DPP6: variants seen among roughly 807,000 people sequenced by gnomAD.
DPP6 encodes the protein dipeptidyl peptidase like 6.
Under a neutral mutation model 122.6 loss-of-function variants are expected in DPP6, and 69 were observed. The ratio of observed to expected loss-of-function variants is 0.56; its 90% CI spans 0.46 to 0.69. The LOEUF (loss-of-function observed/expected upper bound fraction) is 0.69, where lower values mean the gene tolerates loss of function less well. Ranked by LOEUF, DPP6 falls within the 30% of genes least tolerant of loss-of-function variation. The pLI is 0.00. For synonymous variants in DPP6, 418 were observed against 433.1 expected (o/e 0.97, Z 0.43); for missense variants, 928 against 1,116.9 (o/e 0.83, Z 2.41).
intron 1 of DPP6, among the ~76,000 whole-genome samples, chr7:153,978,929 C>T (rs567740216): frequency 5.9e-5 from 9 of 152,184 alleles, no homozygotes; most frequent in East Asian, 5.8e-4. Flanking sequence ...GTAACAGTAC[C>T]GTGCTGTTTT....
intron 1 of DPP6, among the ~76,000 whole-genome samples, chr7:154,445,470 T>C (rs1341406386): frequency 6.6e-6 from 1 of 152,206 alleles, no homozygotes; most frequent in African/African-American, 2.4e-5. Context: ...GTACGCGTGA[T>C]GAATTTCCTA....
chr7:154,718,634 CTTTTT>C lies in DPP6; in HGVS notation c.763-9115_763-9111del, dbSNP rs542191130. The stretch of plus-strand genomic sequence containing the variant: ...TGCCTGGGTTTTAGACTTCCTCCTC[CTTTTT>C]TTTTTTTTTTTTTTTTTGAGACTGA... On this transcript the variant is annotated intron_variant, in intron 7 of 25. Transcript: ENST00000377770. Among the ~76,000 whole-genome samples the C allele has an allele frequency of 6.4e-3, 712 of 111,478 alleles. 2 individuals are homozygous for C. The highest frequency in any genetic ancestry group is 0.024 in the African/African-American group (626 of 25,872). The allele number at this position is 111,478 out of a possible 152,430, so 73.1% of individuals were successfully genotyped here.
chr7:153,903,167 C>T (rs1026788813), intron 1 of DPP6, among the ~76,000 whole-genome samples: 3 of 152,096 alleles, frequency 2.0e-5, no homozygotes, highest in African/African-American at 7.2e-5. Flanking sequence ...AATTTAAGAG[C>T]AAGAAAAAAA....
chr7:154,714,698 G>C (rs1184618534), intron 7 of DPP6, among the ~76,000 whole-genome samples: 1 of 152,186 alleles, frequency 6.6e-6, no homozygotes, highest in East Asian at 1.9e-4. Context: ...TTCAAGATGA[G>C]ATTTGGGTGG....
chr7:154,656,701 G>A lies in DPP6; in HGVS notation c.681-12659G>A, dbSNP rs373998757. Among the ~76,000 whole-genome samples the A allele has an allele frequency of 6.5e-4, 98 of 150,186 alleles. 1 individual carries two copies. In the South Asian group the frequency reaches 0.02, roughly 31 times the overall value. On this transcript the variant is annotated intron_variant, in intron 6 of 25. Coordinates refer to ENST00000377770, the MANE Select transcript of DPP6 (RefSeq NM_130797.4). ...GGGCTGATGATGGGTTAGAGGCTGC[G>A]TGGGGAGGAGGTGCTCATGGGTGGG...
intron 3 of DPP6, among the ~76,000 whole-genome samples, chr7:154,523,627 C>A (rs1827173463): frequency 6.6e-6 from 1 of 152,120 alleles, no homozygotes; most frequent in African/African-American, 2.4e-5. Context: ...TTGATTATGT[C>A]TTTTACATTT....
chr7:154,361,980 G>A (rs1380318932), intron 1 of DPP6, among the ~76,000 whole-genome samples: 3 of 152,194 alleles, frequency 2.0e-5, no homozygotes, highest in Non-Finnish European at 4.4e-5. Context: ...TAGAAGCCAC[G>A]TTGTCTGGTG....
intron 1 of DPP6, among the ~76,000 whole-genome samples, chr7:154,167,033 G>A (rs1383029629): frequency 6.7e-6 from 1 of 149,448 alleles, no homozygotes; most frequent in Non-Finnish European, 1.5e-5. Flanking sequence ...TGGGGCTCAT[G>A]TGCTGAGTTT....
intron 1 of DPP6, among the ~76,000 whole-genome samples, chr7:154,298,537 C>A (rs1805694560): frequency 6.6e-6 from 1 of 152,214 alleles, no homozygotes; most frequent in Non-Finnish European, 1.5e-5. Flanking sequence ...AGCCCCAGAT[C>A]ACCCGGGTGT....
At chr7:154,573,483 C>T (rs987174441) in intron 5 of DPP6, among the ~76,000 whole-genome samples, 1 of 152,238 alleles carries the variant, frequency 6.6e-6, no homozygotes, top group Admixed American at 6.5e-5. Flanking sequence ...GCTGCCCCTT[C>T]ACTGCCTGGA....
chr7:153,767,687 A>T, the DPP6 span, among the ~76,000 whole-genome samples: 2 of 150,914 alleles, frequency 1.3e-5, no homozygotes, highest in Non-Finnish European at 3.0e-5. Context: ...CCTAAAAAAA[A>T]GTGAGAAACT....
chr7:153,938,496 A>T (rs1801558899), intron 1 of DPP6, among the ~76,000 whole-genome samples: 1 of 152,224 alleles, frequency 6.6e-6, no homozygotes. Flanking sequence ...AACCATGAAG[A>T]TTCTCTGCCT....
Position 154,403,709 on chromosome 7 carries a change from G to A in DPP6, c.244-42505G>A, listed in dbSNP as rs754952578. On this transcript the variant is annotated intron_variant, in intron 1 of 25. Coordinates refer to ENST00000377770, the MANE Select transcript of DPP6 (RefSeq NM_130797.4). The surrounding 1 kb of genome is among the most constrained non-coding windows in gnomAD (Gnocchi z 4.1). ...GCAATCTGCAGGTTGCGTTCATGCC[G>A]TGACAGTCCATTCAGGGGTGCAGGA... 4.6e-5 allele frequency among the ~76,000 whole-genome samples: 7 copies of A among 152,334 alleles called. No individual in the cohort carries two copies. Among genetic ancestry groups the A allele is most frequent in the Middle Eastern group, 3.4e-3 (1 of 294 alleles).
At chr7:153,993,558 T>C (rs1428955245) in intron 1 of DPP6, among the ~76,000 whole-genome samples, 11 of 152,320 alleles carry the variant, frequency 7.2e-5, no homozygotes, top group African/African-American at 2.6e-4. Flanking sequence ...GAACCCAAGG[T>C]TGTAAACCAA....
At chr7:154,656,573 G>A (rs1837266099) in intron 6 of DPP6, among the ~76,000 whole-genome samples, 1 of 152,194 alleles carries the variant, frequency 6.6e-6, no homozygotes, top group Admixed American at 6.5e-5. Flanking sequence ...CTTTAAAAAT[G>A]GATGGAAGCC....
chr7:154,637,706 G>C lies in DPP6; in HGVS notation c.628-115G>C, dbSNP rs1563044890. On this transcript the variant is annotated intron_variant, in intron 5 of 25. Transcript: ENST00000377770. ...ATAAAAGACTTTGTCTCCAGGTGTTGGGATTAGCTGCTTTTGGTTCACTGA... is the reference window on the plus strand; with the variant it reads ...ATAAAAGACTTTGTCTCCAGGTGTTCGGATTAGCTGCTTTTGGTTCACTGA... The C allele has an allele frequency of 6.9e-6, 7 of 1,021,588 alleles. No individual in the cohort carries two copies. In the East Asian group the frequency reaches 2.0e-4, roughly 29 times the overall value. 63.3% of individuals were successfully genotyped at this position (1,021,588 alleles called of 1,614,324 possible).
chr7:154,535,183 C>T (rs1194471511), intron 3 of DPP6, among the ~76,000 whole-genome samples: 1 of 152,012 alleles, frequency 6.6e-6, no homozygotes, highest in Non-Finnish European at 1.5e-5. Flanking sequence ...AAGAAAGGAA[C>T]GTTGCTGCTT....
intron 10 of DPP6, among the ~76,000 whole-genome samples, chr7:154,780,978 G>A (rs796558049): frequency 2.0e-5 from 3 of 152,138 alleles, no homozygotes; most frequent in African/African-American, 7.2e-5. Flanking sequence ...ATGAATAGAT[G>A]GATGGTTGAT....
At chr7:153,867,689 T>G in the DPP6 span, among the ~76,000 whole-genome samples, 1 of 152,198 alleles carries the variant, frequency 6.6e-6, no homozygotes, top group Non-Finnish European at 1.5e-5. Flanking sequence ...AACACTATGT[T>G]GAATAGGAGT....
Sources: allele counts gnomAD v4.1 joint callset (sites outside exome capture counted in the v4.1 genomes callset), GRCh38; gene constraint gnomAD v4.1.1; non-coding constraint Gnocchi (gnomAD v3.1); transcripts MANE v1.5; gene names NCBI Gene and HGNC (gene_info 2026-07-23, HGNC 2026-07-21).